CPNE9: variants seen among roughly 807,000 people sequenced by gnomAD.
CPNE9 encodes the protein copine-9.
A neutral mutation model predicts 83.0 loss-of-function variants in CPNE9; 59 were observed. The ratio of observed to expected loss-of-function variants is 0.71; its 90% CI spans 0.58 to 0.88. The LOEUF is 0.88. Ranked by LOEUF, CPNE9 falls within the 40% of genes least tolerant of loss-of-function variation. CPNE9 has a pLI of 0.00. For missense variants in CPNE9, 619 were observed against 720.8 expected, an observed-to-expected ratio of 0.86 and a Z score of 1.62; for synonymous variants, 256 against 273.4, an observed-to-expected ratio of 0.94 and a Z score of 0.63.
intron 7 of CPNE9, among the ~76,000 whole-genome samples, chr3:9,712,235 GA>G (rs1258041406): frequency 3.3e-5 from 5 of 152,178 alleles, no homozygotes; most frequent in African/African-American, 9.7e-5. Context: ...TAAGGCCGAG[GA>G]AGGGTAAATA....
At chr3:9,719,356 T>TG (rs1172044106) in intron 17 of CPNE9, among the ~76,000 whole-genome samples, 1 of 152,078 alleles carries the variant, frequency 6.6e-6, no homozygotes, top group African/African-American at 2.4e-5. Context: ...CTAACCCCAC[T>TG]GCCTGAGAAT....
At chr3:9,722,879 A>C (rs571409740) in intron 17 of CPNE9, among the ~76,000 whole-genome samples, 34 of 152,104 alleles carry the variant, frequency 2.2e-4, no homozygotes, top group African/African-American at 6.5e-4. Context: ...TCTCTGGAAC[A>C]CTTTTCCCTT....
intron 14 of CPNE9, 103 bp from the exon 15 acceptor site, chr3:9,716,955 T>C (rs1447457704): frequency 7.9e-7 from 1 of 1,258,630 alleles, no homozygotes; most frequent in Non-Finnish European, 1.1e-6. Context: ...AATCTGCATT[T>C]TAACATGAGC....
At chr3:9,717,973 G>A in intron 15 of CPNE9, 56 bp from the exon 16 acceptor site, 4 of 1,472,978 alleles carry the variant, frequency 2.7e-6, no homozygotes, top group South Asian at 1.3e-5. Context: ...AGATAAGCAG[G>A]TGAACAGATG....
intron 16 of CPNE9, 107 bp from the exon 17 acceptor site, chr3:9,718,368 G>C: frequency 6.7e-7 from 1 of 1,481,508 alleles, no homozygotes; most frequent in Non-Finnish European, 9.2e-7. Context: ...GGGTTTGGAG[G>C]GGAGCATGAA....
At position 9,718,547 on chromosome 3, in the gene CPNE9, A is replaced by C. The variant is rs2076706616; in HGVS notation, c.1186A>C (p.Thr396Pro). 12 of 1,613,670 alleles carry C rather than the reference A, an allele frequency of 7.4e-6. No homozygotes were observed. Among genetic ancestry groups the C allele is most frequent in the Non-Finnish European group, 1.0e-5 (12 of 1,179,980 alleles). The change falls in exon 17 of 21, where the codon ACA becomes CCA. Residue 396 changes from threonine (T) to proline (P), a missense_variant. Transcript: ENST00000383832. ...GGAGAGCTATTTCCAGAGCCTGCGC[A>C]CAGTGCAGCTCTATGGGCCCACCTA... is the stretch of plus-strand genomic sequence containing the variant. ...VLESYFQSLR[T>P]VQLYGPTYFA...
rs778851415 is a variant in CPNE9, at chr3:9,715,994, T to C, written c.843T>C (p.Ser281=). The change falls in exon 14 of 21, where the codon TCT becomes TCC. Residue 281 remains serine (S), a synonymous_variant. Transcript: ENST00000383832. ...NSGTVTLLSF[S]VDSEFTFVDY... ...CACAGGTGACGCTGCTCTCCTTCTC[T>C]GTGGACTCTGAATTCACTTTTGTTG... 2.5e-6 allele frequency: 4 copies of C among 1,611,892 alleles called. No individual in the cohort carries two copies. Among genetic ancestry groups the C allele is most frequent in the African/African-American group, 2.7e-5 (2 of 74,912 alleles).
intron 7 of CPNE9, among the ~76,000 whole-genome samples, chr3:9,710,832 C>T (rs1183876092): frequency 2.6e-5 from 4 of 152,048 alleles, no homozygotes; most frequent in Non-Finnish European, 5.9e-5. Context: ...CAAGACCAGT[C>T]TGGGTAACAT....
Position 9,704,088 on chromosome 3 carries a change from G to C in CPNE9, c.68+24G>C. On this transcript the variant is annotated intron_variant, in intron 1 of 20. Coordinates refer to ENST00000383832, the MANE Select transcript of CPNE9 (RefSeq NM_153635.3). This position sits in a 1 kb window ranked among gnomAD's most constrained non-coding sequence, Gnocchi z 7.1. ...CGGTGAGCGGGCCGCGCTGGGGAGG[G>C]CTTAGGCACTGGCACTGCCCCAGCC... The C allele has an allele frequency of 1.9e-6, 3 of 1,597,022 alleles. No homozygotes were observed. Among genetic ancestry groups the C allele is most frequent in the Non-Finnish European group, 2.6e-6 (3 of 1,172,826 alleles).
At chr3:9,716,632 G>A (rs1302377575) in intron 14 of CPNE9, among the ~76,000 whole-genome samples, 4 of 152,156 alleles carry the variant, frequency 2.6e-5, no homozygotes, top group Non-Finnish European at 4.4e-5. Flanking sequence ...CACCACGCCC[G>A]GCTAATTTTT....
chr3:9,728,479 C>T (rs536538155), intron 20 of CPNE9, among the ~76,000 whole-genome samples: 305 of 152,086 alleles, frequency 2.0e-3, no homozygotes, highest in Admixed American at 0.012. Flanking sequence ...TAAAATTAGC[C>T]GGGTGTGGTG....
At chr3:9,725,710 A>ATATATATGTGTG (rs1256860764) in intron 17 of CPNE9, among the ~76,000 whole-genome samples, 3 of 143,798 alleles carry the variant, frequency 2.1e-5, no homozygotes, top group Non-Finnish European at 4.5e-5. Context: ...ATATATGTGT[A>ATATATATGTGTG]TATATGTGTA....
chr3:9,718,481 AATG>A lies in CPNE9; in HGVS notation c.1125_1127del (p.Asp375del). 3.7e-6 allele frequency: 6 copies of A among 1,612,778 alleles called. No homozygotes were observed. The highest frequency in any genetic ancestry group is 5.1e-6 in the Non-Finnish European group (6 of 1,179,550). ...AGGGCATATTCTTTGACAGAACAAC[AATG>A]ATGAGGACCCCAACTGTGCGGGCAT... On this transcript the variant is annotated inframe_deletion, in exon 17 of 21. Coordinates refer to ENST00000383832, the MANE Select transcript of CPNE9 (RefSeq NM_153635.3).
intron 7 of CPNE9, among the ~76,000 whole-genome samples, chr3:9,707,335 A>C: frequency 7.2e-6 from 1 of 138,564 alleles, no homozygotes; most frequent in South Asian, 2.4e-4. Flanking sequence ...CCTGGGCAAC[A>C]GAGCGAGATT....
At chr3:9,727,838 C>A (rs1190265339) in intron 20 of CPNE9, among the ~76,000 whole-genome samples, 1 of 152,140 alleles carries the variant, frequency 6.6e-6, no homozygotes, top group Non-Finnish European at 1.5e-5. Context: ...GGCAGGTAGA[C>A]TCATTAGTGA....
chr3:9,711,562 C>A (rs1020051247), intron 7 of CPNE9, among the ~76,000 whole-genome samples: 1 of 152,160 alleles, frequency 6.6e-6, no homozygotes, highest in Non-Finnish European at 1.5e-5. Flanking sequence ...CTTTGCAAAG[C>A]ACAAAGAGTC....
intron 6 of CPNE9, 76 bp downstream of exon 6, chr3:9,705,796 AC>A: frequency 6.6e-7 from 1 of 1,512,844 alleles, no homozygotes; most frequent in Non-Finnish European, 9.1e-7. Context: ...CTGATGACCC[AC>A]TACAAGGCAG....
chr3:9,725,871 C>T, intron 17 of CPNE9, 78 bp from the exon 18 acceptor site: 2 of 1,078,872 alleles, frequency 1.9e-6, no homozygotes, highest in African/African-American at 1.5e-5. Context: ...CACACACTGG[C>T]TGTGGAAGCT....
intron 7 of CPNE9, among the ~76,000 whole-genome samples, chr3:9,709,677 A>AT (rs2076606040): frequency 6.6e-6 from 1 of 151,830 alleles, no homozygotes; most frequent in Non-Finnish European, 1.5e-5. Flanking sequence ...CAAGTTTATA[A>AT]TTTTTTAACA....
Sources: gnomAD v4.1 joint callset for allele counts (sites outside exome capture counted in the v4.1 genomes callset) on GRCh38, gnomAD v4.1.1 for gene constraint, Gnocchi (gnomAD v3.1) non-coding constraint, MANE v1.5 for transcripts, NCBI Gene and HGNC (gene_info 2026-07-23, HGNC 2026-07-21) for gene names.